GAS6: variants seen among roughly 807,000 people sequenced by gnomAD.
GAS6 encodes the protein growth arrest-specific protein 6.
Under a neutral mutation model 75.8 loss-of-function variants are expected in GAS6, and 41 were observed. The ratio of observed to expected loss-of-function variants is 0.54; its 90% CI spans 0.42 to 0.70. GAS6 has a LOEUF of 0.70. Ranked by LOEUF, GAS6 falls within the 30% of genes least tolerant of loss-of-function variation. The probability of loss-of-function intolerance (pLI) is 0.00; values close to 1 mark genes in which losing one functional copy is unlikely to be tolerated. For missense variants in GAS6, 854 were observed against 940.2 expected (o/e 0.91, Z 1.20); for synonymous variants, 432 against 412.6 (o/e 1.05, Z -0.57).
intron 2 of GAS6, among the ~76,000 whole-genome samples, chr13:113,860,883 C>A (rs1291113141): frequency 4.6e-5 from 7 of 152,154 alleles, no homozygotes. Context: ...TATCCGCCTG[C>A]TGGAAGGTGG....
chr13:113,847,101 C>T (rs779131510), intron 3 of GAS6: 12 of 448,500 alleles, frequency 2.7e-5, no homozygotes, highest in Middle Eastern at 5.7e-4. Flanking sequence ...TAACCCGAAG[C>T]GTGAGGTTGT....
intron 5 of GAS6, 94 bp downstream of exon 5, chr13:113,839,631 TGAG>T: frequency 6.6e-7 from 1 of 1,508,668 alleles, no homozygotes; most frequent in South Asian, 1.2e-5. Flanking sequence ...GAGAGCAGCC[TGAG>T]GATGGCCGTG....
chr13:113,839,721 C>T lies in GAS6; in HGVS notation c.466+7G>A, dbSNP rs1214916613. On this transcript the variant is annotated splice_region_variant and intron_variant, in intron 5 of 14. Coordinates refer to ENST00000327773, the MANE Select transcript of GAS6 (RefSeq NM_000820.4). ...GAGACCCCGCCTTTGTCTTCAGCCT[C>T]ACGTACCTTTGTCGCAGAGCCGGCC... The T allele has an allele frequency of 6.2e-7, 1 of 1,613,666 alleles. No homozygotes were observed. Among genetic ancestry groups the T allele is most frequent in the Admixed American group, 1.7e-5 (1 of 59,998 alleles).
intron 2 of GAS6, among the ~76,000 whole-genome samples, chr13:113,861,892 C>T (rs143617135): frequency 1.3e-5 from 2 of 152,276 alleles, no homozygotes; most frequent in East Asian, 3.9e-4. Flanking sequence ...GAAAAGAAGC[C>T]GACAGAGGCT....
At position 113,859,732 on chromosome 13, in the gene GAS6, G is replaced by C. The variant is rs920709372; in HGVS notation, c.255+3843C>G. Among the ~76,000 whole-genome samples, 4 of 149,572 alleles carry C rather than the reference G, an allele frequency of 2.7e-5. No homozygotes were observed. In the South Asian group the frequency reaches 8.6e-4, roughly 32 times the overall value. On this transcript the variant is annotated intron_variant, in intron 2 of 14. Coordinates refer to ENST00000327773, the MANE Select transcript of GAS6 (RefSeq NM_000820.4). ...CATGAGTCAGCACCTATCTGTGCTG[G>C]TGTCCATGTGTGAATGTGTGTGCAT...
At chr13:113,834,437 C>T in intron 8 of GAS6, 114 bp downstream of exon 8, 1 of 1,120,816 alleles carries the variant, frequency 8.9e-7, no homozygotes, top group Non-Finnish European at 1.2e-6. Context: ...CCCTGGAGAT[C>T]CCCAACACCT....
intron 2 of GAS6, among the ~76,000 whole-genome samples, chr13:113,858,789 CTG>C (rs1198690011): frequency 1.0e-4 from 15 of 144,730 alleles, no homozygotes; most frequent in East Asian, 4.3e-4. Context: ...GTGTACATGT[CTG>C]TGACTGTATG....
At chr13:113,839,883 C>A in intron 4 of GAS6, 33 bp from the exon 5 acceptor site, 9 of 1,613,130 alleles carry the variant, frequency 5.6e-6, no homozygotes, top group Non-Finnish European at 7.6e-6. Context: ...AAATCATGTT[C>A]AGCTGCCCCA....
chr13:113,850,037 G>A lies in GAS6; in HGVS notation c.256-1987C>T, dbSNP rs899463596. 5.9e-5 allele frequency among the ~76,000 whole-genome samples: 9 copies of A among 152,180 alleles called. No individual in the cohort carries two copies. In the South Asian group the frequency reaches 8.3e-4, roughly 14 times the overall value. On this transcript the variant is annotated intron_variant, in intron 2 of 14. Transcript: ENST00000327773. ...CTCCCAAGAAAGAAAGACATTTCAC[G>A]TTGTCCTGAGAACATTCTGGTATAC...
chr13:113,850,095 G>A (rs1296501601), intron 2 of GAS6, among the ~76,000 whole-genome samples: 2 of 152,154 alleles, frequency 1.3e-5, no homozygotes, highest in Non-Finnish European at 2.9e-5. Context: ...ACATTGTCCT[G>A]AGAACATTCT....
intron 2 of GAS6, among the ~76,000 whole-genome samples, chr13:113,861,706 G>A (rs926286320): frequency 4.6e-5 from 7 of 152,176 alleles, no homozygotes; most frequent in Admixed American, 2.6e-4. Flanking sequence ...CCCTGCCCCT[G>A]CCCCTGCCCC....
chr13:113,834,725 G>C (rs28363802), intron 7 of GAS6, 53 bp from the exon 8 acceptor site: 1 of 1,393,572 alleles, frequency 7.2e-7, no homozygotes, highest in African/African-American at 1.5e-5. Flanking sequence ...ACGCTGTCCC[G>C]CCGTGGGATC....
intron 2 of GAS6, among the ~76,000 whole-genome samples, chr13:113,850,497 G>A (rs941123252): frequency 5.3e-5 from 8 of 152,152 alleles, no homozygotes; most frequent in Non-Finnish European, 1.2e-4. Context: ...TTTGGCCCCT[G>A]GAAATCCTTT....
At chr13:113,839,528 T>C (rs748147582) in intron 5 of GAS6, 200 bp downstream of exon 5, 38 of 638,578 alleles carry the variant, frequency 6.0e-5, no homozygotes, top group Non-Finnish European at 9.0e-5. Flanking sequence ...TTCCTTTCCT[T>C]CCAGCCCTGC....
intron 2 of GAS6, among the ~76,000 whole-genome samples, chr13:113,859,080 G>C (rs546297574): frequency 8.6e-5 from 13 of 150,564 alleles, no homozygotes; most frequent in African/African-American, 3.0e-4. Context: ...CTATGTGAAT[G>C]TGTGCATGTA....
intron 12 of GAS6, among the ~76,000 whole-genome samples, chr13:113,824,888 A>G (rs2051514642): frequency 6.6e-6 from 1 of 152,208 alleles, no homozygotes; most frequent in Non-Finnish European, 1.5e-5. Context: ...CGGTCTTCCC[A>G]TAACCTGTGA....
At chr13:113,821,354 G>A (rs888433252) in intron 14 of GAS6, 6 of 295,952 alleles carry the variant, frequency 2.0e-5, no homozygotes, top group Non-Finnish European at 3.8e-5. Flanking sequence ...TCAAAGCTCT[G>A]TTTATTAAAA....
intron 2 of GAS6, among the ~76,000 whole-genome samples, chr13:113,855,448 A>G (rs9577922): frequency 0.28 from 42,635 of 152,126 alleles, 6,548 homozygotes; most frequent in South Asian, 0.51. Flanking sequence ...TGCAAAGTTC[A>G]TGTGTGTTCC....
intron 12 of GAS6, 24 bp from the exon 13 acceptor site, chr13:113,823,574 A>T: frequency 6.3e-7 from 1 of 1,596,832 alleles, no homozygotes; most frequent in South Asian, 1.1e-5. Context: ...GGTGCATTAT[A>T]GGGTGGTATG....
Sources: gnomAD v4.1 joint callset for allele counts (sites outside exome capture counted in the v4.1 genomes callset) on GRCh38, gnomAD v4.1.1 for gene constraint, MANE v1.5 for transcripts, NCBI Gene and HGNC (gene_info 2026-07-23, HGNC 2026-07-21) for gene names.